The following NOS3 variants were observed in gnomAD, a reference collection of about 807,000 sequenced individuals.
The protein encoded by NOS3 is nitric oxide synthase 3.
In NOS3, 98 loss-of-function variants were observed where a neutral mutation model predicts 144.9. That is an observed-to-expected ratio of 0.68 (90% CI 0.57 to 0.80). The LOEUF is 0.80. NOS3 is among the 30% of genes least tolerant of loss of function. The pLI, the probability that NOS3 is intolerant of heterozygous loss-of-function variation, is 0.00. For synonymous variants in NOS3, 714 were observed against 702.4 expected (o/e 1.02, Z -0.26); for missense variants, 1,465 against 1,656.4 (o/e 0.88, Z 2.01).
chr7:151,012,369 G>C lies in NOS3; in HGVS notation c.3003G>C (p.Leu1001=), dbSNP rs781291432. Residue 1001 remains leucine (L), a synonymous_variant, in exon 24 of 27, where the codon CTG becomes CTC. Transcript: ENST00000297494. ...CFIRGAPSFR[L]PPDPSLPCIL... is the part of the protein sequence containing the mutation. ...CTGCCAGGGCTCCCTCCTTCCGGCTGCCACCCGATCCCAGCTTGCCCTGCA... is the reference window on the plus strand; with the variant it reads ...CTGCCAGGGCTCCCTCCTTCCGGCTCCCACCCGATCCCAGCTTGCCCTGCA... 1 of 1,575,054 alleles carries C rather than the reference G, an allele frequency of 6.3e-7. No individual in the cohort carries two copies. The highest frequency in any genetic ancestry group is 8.6e-7 in the Non-Finnish European group (1 of 1,160,000).
chr7:151,006,396 C>T (rs1281071759), intron 14 of NOS3, 31 bp from the exon 15 acceptor site: 2 of 1,585,280 alleles, frequency 1.3e-6, no homozygotes, highest in African/African-American at 2.7e-5. Context: ...TGAAACAAAA[C>T]TAACCCTGAT....
chr7:151,013,029 G>A (rs902240802), intron 24 of NOS3: 4 of 587,340 alleles, frequency 6.8e-6, no homozygotes, highest in South Asian at 2.3e-5. Flanking sequence ...CCTCACCCGC[G>A]CTTCCCTTCC....
At position 151,003,050 on chromosome 7, in the gene NOS3, C is replaced by T; in HGVS notation, c.1752+746C>T. 1 of 349,238 alleles carries T rather than the reference C, an allele frequency of 2.9e-6. No individual in the cohort carries two copies. The highest frequency in any genetic ancestry group is 2.1e-5 in the South Asian group (1 of 46,530). The allele number at this position is 349,238 out of a possible 1,614,324, so 21.6% of individuals were successfully genotyped here. The stretch of plus-strand genomic sequence containing the variant: ...TATCTCTGAGGTGCCCCAGGCTAGG[C>T]TCATTTCTGAGTCTTACCTGCTCCA... On this transcript the variant is annotated intron_variant, in intron 14 of 26. Transcript: ENST00000297494. This position sits in a 1 kb window ranked among gnomAD's most constrained non-coding sequence, Gnocchi z 4.1.
chr7:150,998,395 G>C lies in NOS3; in HGVS notation c.621G>C (p.Met207Ile), dbSNP rs769000909. 4 of 1,612,398 alleles carry C rather than the reference G, an allele frequency of 2.5e-6. No individual in the cohort carries two copies. The highest frequency in any genetic ancestry group is 4.5e-5 in the East Asian group (2 of 44,894). Residue 207 changes from methionine (M) to isoleucine (I), a missense_variant, in exon 6 of 27, where the codon ATG becomes ATC. Met to Ile is a conservative substitution (Grantham distance 10). This residue lies in a region of NOS3 where 374 missense variants were observed against 377.0 expected (regional missense o/e 0.99). Coordinates refer to ENST00000297494, the MANE Select transcript of NOS3 (RefSeq NM_000603.5). This position sits in a 1 kb window ranked among gnomAD's most constrained non-coding sequence, Gnocchi z 5.0. ...GGGACTGCAGGTCTGCACAGGAAAT[G>C]TTCACCTACATCTGCAACCACATCA... The part of the protein sequence containing the change: ...DARDCRSAQE[M>I]FTYICNHIKY...
chr7:150,998,374 C>T lies in NOS3; in HGVS notation c.600C>T (p.Asp200=). 1 of 1,612,270 alleles carries T rather than the reference C, an allele frequency of 6.2e-7. No homozygotes were observed. The highest frequency in any genetic ancestry group is 2.2e-5 in the East Asian group (1 of 44,886). ...TGGCTCAGGTGTTCGATGCCCGGGA[C>T]TGCAGGTCTGCACAGGAAATGTTCA... ...WGKLQVFDAR[D]CRSAQEMFTY... The change falls in exon 6 of 27, where the codon GAC becomes GAT. Residue 200 remains aspartate, a synonymous_variant. Coordinates refer to ENST00000297494, the MANE Select transcript of NOS3 (RefSeq NM_000603.5). The surrounding 1 kb of genome is among the most constrained non-coding windows in gnomAD (Gnocchi z 5.0).
At chr7:150,991,506 G>A (rs1048582101) in intron 1 of NOS3, among the ~76,000 whole-genome samples, 14 of 152,366 alleles carry the variant, frequency 9.2e-5, no homozygotes, top group African/African-American at 3.4e-4. Context: ...GATTCAAGCA[G>A]TGCACCAAGG....
At chr7:151,008,221 G>A (rs1422285257) in intron 17 of NOS3, among the ~76,000 whole-genome samples, 3 of 152,144 alleles carry the variant, frequency 2.0e-5, no homozygotes, top group African/African-American at 7.2e-5. Context: ...AGATAGGAAG[G>A]AAGGGAGGGA....
Position 150,998,892 on chromosome 7 carries a change from C to G in NOS3, c.817-54C>G. Reference sequence around the variant, plus strand: ...CAGGAGACAGTGGATGGAGGGGTCCCTGAGGAGGGCATGAGGCTCAGCCCC... The same window carrying G: ...CAGGAGACAGTGGATGGAGGGGTCCGTGAGGAGGGCATGAGGCTCAGCCCC... On this transcript the variant is annotated intron_variant, in intron 7 of 26. Transcript: ENST00000297494. The surrounding 1 kb of genome is among the most constrained non-coding windows in gnomAD (Gnocchi z 5.0). The G allele has an allele frequency of 6.4e-7, 1 of 1,571,358 alleles. No individual in the cohort carries two copies. Among genetic ancestry groups the G allele is most frequent in the Non-Finnish European group, 8.6e-7 (1 of 1,159,606 alleles).
At position 151,002,347 on chromosome 7, in the gene NOS3, C is replaced by T. The variant is rs2117119872; in HGVS notation, c.1752+43C>T. On this transcript the variant is annotated intron_variant, in intron 14 of 26. Transcript: ENST00000297494. This position sits in a 1 kb window ranked among gnomAD's most constrained non-coding sequence, Gnocchi z 4.1. ...AGGGGCTGCTGGGAATGAGGAGAGA[C>T]TCAGAATTGGAGTGACTGGGCAGGA... 9.8e-7 allele frequency: 1 copy of T among 1,020,356 alleles called. No homozygotes were observed. Among genetic ancestry groups the T allele is most frequent in the South Asian group, 1.4e-5 (1 of 73,748 alleles). The allele number at this position is 1,020,356 out of a possible 1,614,324, so 63.2% of individuals were successfully genotyped here. A position where few individuals can be genotyped will look rare whatever the true frequency, so the allele number is the denominator to read the frequency against.
Position 151,014,157 on chromosome 7 carries a change from C to T in NOS3, c.3600C>T (p.Thr1200=). ...CGTTCGACCCTCCCGGCTCAGACAC[C>T]AACAGCCCCTGAGAGCCGCCTGGCT... is the stretch of plus-strand genomic sequence containing the variant. ...PWAFDPPGSD[T]NSP Residue 1200 remains threonine, a synonymous_variant, in exon 27 of 27, where the codon ACC becomes ACT. Coordinates refer to ENST00000297494, the MANE Select transcript of NOS3 (RefSeq NM_000603.5). 2 of 1,605,414 alleles carry T rather than the reference C, an allele frequency of 1.2e-6. No homozygotes were observed. The highest frequency in any genetic ancestry group is 1.7e-6 in the Non-Finnish European group (2 of 1,174,186).
chr7:151,008,916 G>C lies in NOS3; in HGVS notation c.2113-14G>C, dbSNP rs775839582. On this transcript the variant is annotated splice_polypyrimidine_tract_variant and intron_variant, in intron 17 of 26. Coordinates refer to ENST00000297494, the MANE Select transcript of NOS3 (RefSeq NM_000603.5). ...TGGCGGGAGGTCCTCAGCCCTCACC[G>C]GCCTGTCCCGCAGGCCGCCTGTGAG... The C allele has an allele frequency of 6.2e-7, 1 of 1,602,922 alleles. No homozygotes were observed. Among genetic ancestry groups the C allele is most frequent in the Non-Finnish European group, 8.5e-7 (1 of 1,175,868 alleles).
intron 1 of NOS3, among the ~76,000 whole-genome samples, chr7:150,991,654 G>T (rs540119396): frequency 6.6e-6 from 1 of 152,278 alleles, no homozygotes; most frequent in African/African-American, 2.4e-5. Context: ...TGGAAGGCCT[G>T]GGAGGGGTCA....
chr7:151,008,396 C>T (rs1326772561), intron 17 of NOS3, among the ~76,000 whole-genome samples: 4 of 152,166 alleles, frequency 2.6e-5, no homozygotes, highest in Non-Finnish European at 5.9e-5. Flanking sequence ...CAGGAGTAGA[C>T]GGGATCCACA....
intron 25 of NOS3, 109 bp downstream of exon 25, chr7:151,013,488 C>G (rs915104625): frequency 1.3e-5 from 18 of 1,368,908 alleles, no homozygotes; most frequent in Admixed American, 9.0e-5. Flanking sequence ...CCTCCCACGA[C>G]CACTCAGCCA....
Position 151,010,264 on chromosome 7 carries a change from C to G in NOS3, c.2662C>G (p.Gln888Glu). Reference protein sequence around the residue: ...STLAEEPREQQELEALSQDPR... With the variant: ...STLAEEPREQEELEALSQDPR... ...CTTGGCAGAAGAGCCCAGGGAACAG[C>G]AGGAGCTGGAGGCCCTCAGCCAGGT... The change falls in exon 21 of 27, where the codon CAG (glutamine) becomes GAG (glutamate). Residue 888 changes from glutamine to glutamate, a missense_variant. By Grantham distance (29) the Gln-to-Glu change is conservative. Transcript: ENST00000297494. 6.2e-7 allele frequency: 1 copy of G among 1,612,880 alleles called. No individual in the cohort carries two copies. The highest frequency in any genetic ancestry group is 8.5e-7 in the Non-Finnish European group (1 of 1,179,834).
chr7:151,003,327 T>C lies in NOS3; in HGVS notation c.1752+1023T>C. ...TTTTTATAGAGATGGGGTTTCGCCA[T>C]GTTGCCCAGGCTGGTCTCTAACTCC... On this transcript the variant is annotated intron_variant, in intron 14 of 26. Coordinates refer to ENST00000297494, the MANE Select transcript of NOS3 (RefSeq NM_000603.5). The surrounding 1 kb of genome is among the most constrained non-coding windows in gnomAD (Gnocchi z 4.1). The C allele has an allele frequency of 1.4e-6, 1 of 720,230 alleles. No individual in the cohort carries two copies. The highest frequency in any genetic ancestry group is 1.5e-5 in the South Asian group (1 of 67,630). The allele number at this position is 720,230 out of a possible 1,614,324, so 44.6% of individuals were successfully genotyped here. A position where few individuals can be genotyped will look rare whatever the true frequency, so the allele number is the denominator to read the frequency against.
Position 151,003,450 on chromosome 7 carries a change from T to C in NOS3, c.1752+1146T>C. 8.2e-7 allele frequency: 1 copy of C among 1,216,286 alleles called. No individual in the cohort carries two copies. The highest frequency in any genetic ancestry group is 1.1e-6 in the Non-Finnish European group (1 of 950,566). 75.3% of individuals were successfully genotyped at this position (1,216,286 alleles called of 1,614,324 possible). On this transcript the variant is annotated intron_variant, in intron 14 of 26. Transcript: ENST00000297494. This position sits in a 1 kb window ranked among gnomAD's most constrained non-coding sequence, Gnocchi z 4.1. Reference sequence around the variant, plus strand: ...CCTCAGTATCTTAAGCAAGTTGGAATCTCGTGAAACCCTTTTTGCTGCCTT... The same window carrying C: ...CCTCAGTATCTTAAGCAAGTTGGAACCTCGTGAAACCCTTTTTGCTGCCTT...
At chr7:151,008,894 C>A in intron 17 of NOS3, 36 bp from the exon 18 acceptor site, 2 of 1,572,198 alleles carry the variant, frequency 1.3e-6, no homozygotes, top group Non-Finnish European at 1.7e-6. Flanking sequence ...CCCCTGGTGG[C>A]GGGAGGTCCT....
chr7:150,996,580 C>T, intron 4 of NOS3, 28 bp downstream of exon 4: 5 of 1,574,748 alleles, frequency 3.2e-6, no homozygotes, highest in Non-Finnish European at 8.6e-7. Flanking sequence ...GCCACAGCCT[C>T]CCTTGTCCCA....
Sources: gnomAD v4.1 joint callset for allele counts (sites outside exome capture counted in the v4.1 genomes callset) on GRCh38, gnomAD v4.1.1 for gene constraint, gnomAD v4.1.1 regional missense constraint, Gnocchi (gnomAD v3.1) non-coding constraint, MANE v1.5 for transcripts, NCBI Gene and HGNC (gene_info 2026-07-23, HGNC 2026-07-21) for gene names.